GXYLT2: variants seen among roughly 807,000 people sequenced by gnomAD.
The protein encoded by GXYLT2 is glycosyltransferase 8 domain containing 4.
A neutral mutation model predicts 45.8 loss-of-function variants in GXYLT2; 53 were observed. The ratio of observed to expected loss-of-function variants is 1.16; its 90% confidence interval spans 0.93 to 1.46. The LOEUF (loss-of-function observed/expected upper bound fraction) is 1.46, where lower values mean the gene tolerates loss of function less well. Among genes scored for constraint, GXYLT2 ranks in the 40% most tolerant of loss-of-function variants. The pLI, the probability that GXYLT2 is intolerant of heterozygous loss-of-function variation, is 0.00. For missense variants in GXYLT2, 551 were observed against 544.4 expected (o/e 1.01, Z -0.12); for synonymous variants, 219 against 214.2 (o/e 1.02, Z -0.19).
chr3:72,917,794 A>G (rs1489136681), intron 2 of GXYLT2, among the ~76,000 whole-genome samples: 2 of 152,062 alleles, frequency 1.3e-5, no homozygotes, highest in Admixed American at 1.3e-4. Flanking sequence ...TTATATAAAC[A>G]ATATATGTAC....
chr3:72,963,921 T>C (rs1710814010), intron 5 of GXYLT2, among the ~76,000 whole-genome samples: 1 of 152,058 alleles, frequency 6.6e-6, no homozygotes, highest in Non-Finnish European at 1.5e-5. Flanking sequence ...GTGATCTACC[T>C]GCCTTGGCGT....
intron 3 of GXYLT2, among the ~76,000 whole-genome samples, chr3:72,949,760 G>T (rs1441105471): frequency 6.6e-6 from 1 of 151,742 alleles, no homozygotes; most frequent in African/African-American, 2.4e-5. Flanking sequence ...TGATCCGCTC[G>T]CCTTAGCCTC....
intron 3 of GXYLT2, among the ~76,000 whole-genome samples, chr3:72,922,971 T>C (rs115393416): frequency 0.011 from 1,727 of 151,820 alleles, 26 homozygotes; most frequent in African/African-American, 0.038. Flanking sequence ...ATACAAAAAT[T>C]AGGCGGGGTG....
intron 1 of GXYLT2, 74 bp downstream of exon 1, chr3:72,888,582 G>C (rs1415019452): frequency 1.0e-6 from 1 of 986,144 alleles, no homozygotes; most frequent in Admixed American, 5.5e-5. Context: ...AAGTCCAAGG[G>C]AGGCTTTGCG....
At chr3:72,948,168 T>A (rs1467002243) in intron 3 of GXYLT2, among the ~76,000 whole-genome samples, 1 of 152,206 alleles carries the variant, frequency 6.6e-6, no homozygotes, top group Non-Finnish European at 1.5e-5. Flanking sequence ...TCCATCCCTT[T>A]TTCTTTGTGT....
intron 1 of GXYLT2, chr3:72,908,100 C>T (rs9825863): frequency 0.19 from 62,692 of 333,686 alleles, 13,073 homozygotes; most frequent in African/African-American, 0.68. Context: ...CAGCAGGCAC[C>T]AGACAGCTGA....
chr3:72,894,780 A>G (rs1340244251), intron 1 of GXYLT2, among the ~76,000 whole-genome samples: 1 of 152,194 alleles, frequency 6.6e-6, no homozygotes, highest in Non-Finnish European at 1.5e-5. Context: ...TGGCAAGTGA[A>G]AACGCTATAA....
chr3:72,938,808 G>A (rs1710240996), intron 3 of GXYLT2, among the ~76,000 whole-genome samples: 2 of 152,194 alleles, frequency 1.3e-5, no homozygotes, highest in South Asian at 4.1e-4. Context: ...CTGAAATGAT[G>A]AAATCAAAGA....
At chr3:72,952,872 T>C (rs893486084) in intron 3 of GXYLT2, among the ~76,000 whole-genome samples, 20 of 152,070 alleles carry the variant, frequency 1.3e-4, no homozygotes, top group African/African-American at 3.9e-4. Context: ...CATATGAATG[T>C]TGGGGACACA....
intron 2 of GXYLT2, among the ~76,000 whole-genome samples, chr3:72,912,263 GTC>G (rs1254109610): frequency 1.3e-5 from 2 of 152,018 alleles, no homozygotes; most frequent in Non-Finnish European, 2.9e-5. Context: ...ACCTGCCTCA[GTC>G]TCTCAAAGTG....
At chr3:72,932,351 C>T (rs183588563) in intron 3 of GXYLT2, among the ~76,000 whole-genome samples, 40 of 152,326 alleles carry the variant, frequency 2.6e-4, no homozygotes, top group Middle Eastern at 3.4e-3. Flanking sequence ...AGCCACCGTA[C>T]GTGGCCCACT....
chr3:72,932,347 C>A (rs957633461), intron 3 of GXYLT2, among the ~76,000 whole-genome samples: 22 of 152,166 alleles, frequency 1.4e-4, no homozygotes, highest in Admixed American at 1.4e-3. Flanking sequence ...CATGAGCCAC[C>A]GTACGTGGCC....
At chr3:72,952,085 G>A (rs767576317) in intron 3 of GXYLT2, among the ~76,000 whole-genome samples, 44 of 150,138 alleles carry the variant, frequency 2.9e-4, no homozygotes, top group Non-Finnish European at 4.9e-4. Flanking sequence ...TCACTGCAAC[G>A]CTCACCTCCC....
chr3:72,902,906 G>A (rs1211729852), intron 1 of GXYLT2, among the ~76,000 whole-genome samples: 12 of 152,238 alleles, frequency 7.9e-5, no homozygotes, highest in South Asian at 4.2e-4. Flanking sequence ...CCAGCTACTC[G>A]GGAGGCTGAG....
Position 72,888,144 on chromosome 3 carries a change from C to G in GXYLT2, c.-90C>G, listed in dbSNP as rs913465534. 1.1e-6 allele frequency: 1 copy of G among 913,214 alleles called. No individual in the cohort carries two copies. Among genetic ancestry groups the G allele is most frequent in the Non-Finnish European group, 1.3e-6 (1 of 765,856 alleles). The allele number at this position is 913,214 out of a possible 1,614,324, so 56.6% of individuals were successfully genotyped here. A position where few individuals can be genotyped will look rare whatever the true frequency, so the allele number is the denominator to read the frequency against. ...CCGGCGGGCGGGCGGAGGAGGCGAC[C>G]GCCGCGCGCTGCTGCACTCATCCTG... On this transcript the variant is annotated 5_prime_UTR_variant, in exon 1 of 7. Coordinates refer to ENST00000389617, the MANE Select transcript of GXYLT2 (RefSeq NM_001080393.2).
intron 1 of GXYLT2, among the ~76,000 whole-genome samples, chr3:72,891,505 CTATAAA>C (rs1038288476): frequency 2.6e-5 from 4 of 152,206 alleles, no homozygotes; most frequent in Non-Finnish European, 5.9e-5. Context: ...GCCTCCTTCT[CTATAAA>C]TATAAAGCCA....
chr3:72,914,546 TGC>T (rs1553706008), intron 2 of GXYLT2, among the ~76,000 whole-genome samples: 37 of 143,780 alleles, frequency 2.6e-4, no homozygotes, highest in Admixed American at 1.9e-3. Flanking sequence ...TGTGTGTGTG[TGC>T]GCGCGCGCGC....
chr3:72,964,809 A>G (rs1374663215), intron 5 of GXYLT2, among the ~76,000 whole-genome samples: 3 of 152,224 alleles, frequency 2.0e-5, no homozygotes, highest in Admixed American at 1.3e-4. Flanking sequence ...ACTCAAGCAC[A>G]GTTTATTCAA....
intron 1 of GXYLT2, among the ~76,000 whole-genome samples, chr3:72,895,083 A>G (rs1038685259): frequency 7.2e-5 from 11 of 152,226 alleles, no homozygotes; most frequent in Non-Finnish European, 1.5e-4. Context: ...GCGTAAGGGC[A>G]AACTGTTTCT....
Sources: gnomAD v4.1 joint callset for allele counts (sites outside exome capture counted in the v4.1 genomes callset) on GRCh38, gnomAD v4.1.1 for gene constraint, MANE v1.5 for transcripts, NCBI Gene and HGNC (gene_info 2026-07-23, HGNC 2026-07-21) for gene names.